Variants in PDE10A observed in about 807,000 individuals in gnomAD.
The protein encoded by PDE10A is phosphodiesterase 10A.
A neutral mutation model predicts 97.7 loss-of-function variants in PDE10A; 39 were observed. The observed-to-expected ratio is 0.40, with a 90% CI of 0.31 to 0.52. PDE10A has a LOEUF of 0.52. Among genes scored for constraint, PDE10A ranks in the 20% least tolerant of loss-of-function variants. The pLI is 0.56. For synonymous variants in PDE10A, 371 were observed against 376.8 expected (o/e 0.98, Z 0.18); for missense variants, 731 against 1,047.8 (o/e 0.70, Z 4.17).
chr6:165,910,592 A>G (rs1399066229), intron 1 of PDE10A, among the ~76,000 whole-genome samples: 1 of 152,242 alleles, frequency 6.6e-6, no homozygotes, highest in Non-Finnish European at 1.5e-5. Context: ...ATTTAGTTCT[A>G]CAAAAGGGAT....
At chr6:165,539,153 A>C (rs2128320107) in intron 2 of PDE10A, among the ~76,000 whole-genome samples, 1 of 152,294 alleles carries the variant, frequency 6.6e-6, no homozygotes, top group Middle Eastern at 3.4e-3. Context: ...TGCAATCTCT[A>C]ATTTCCATAT....
At chr6:165,579,269 T>G (rs1009263953) in intron 1 of PDE10A, among the ~76,000 whole-genome samples, 1 of 152,230 alleles carries the variant, frequency 6.6e-6, no homozygotes, top group Admixed American at 6.5e-5. Flanking sequence ...GATTTTAGAA[T>G]GCTCTTTACT....
intron 1 of PDE10A, among the ~76,000 whole-genome samples, chr6:165,561,953 T>A (rs1337347490): frequency 2.6e-5 from 4 of 152,212 alleles, no homozygotes; most frequent in African/African-American, 4.8e-5. Flanking sequence ...AAAGTTTTTT[T>A]AAATCATTAA....
At chr6:165,419,267 A>C (rs1252020754) in intron 10 of PDE10A, among the ~76,000 whole-genome samples, 3 of 152,346 alleles carry the variant, frequency 2.0e-5, no homozygotes, top group African/African-American at 7.2e-5. Flanking sequence ...ACCTCTAAGG[A>C]GATACATGGC....
At chr6:165,383,254 T>C (rs1419549507) in intron 17 of PDE10A, among the ~76,000 whole-genome samples, 2 of 152,180 alleles carry the variant, frequency 1.3e-5, no homozygotes, top group East Asian at 1.9e-4. Flanking sequence ...AAATGGGCTA[T>C]TAAAAAAGGC....
intron 1 of PDE10A, among the ~76,000 whole-genome samples, chr6:165,899,344 C>T (rs7382642): frequency 0.37 from 56,750 of 152,050 alleles, 11,369 homozygotes; most frequent in East Asian, 0.66. Flanking sequence ...CACACTTTGA[C>T]TAGAGTTGAC....
At chr6:165,714,291 C>G (rs990281242) in intron 1 of PDE10A, among the ~76,000 whole-genome samples, 1 of 152,194 alleles carries the variant, frequency 6.6e-6, no homozygotes, top group Non-Finnish European at 1.5e-5. Context: ...GGTGGCGTGC[C>G]GTAGCCACTC....
chr6:165,793,520 C>A (rs1047231107), intron 1 of PDE10A, among the ~76,000 whole-genome samples: 1 of 152,090 alleles, frequency 6.6e-6, no homozygotes, highest in Admixed American at 6.5e-5. Flanking sequence ...CCTGACAGTG[C>A]GCTCCCTGAA....
chr6:165,823,591 T>C (rs183934207), intron 1 of PDE10A, among the ~76,000 whole-genome samples: 1 of 133,516 alleles, frequency 7.5e-6, no homozygotes, highest in African/African-American at 2.6e-5. Flanking sequence ...TCAATATATA[T>C]AAATATGTAT....
chr6:165,390,171 C>A (rs1453427106), intron 16 of PDE10A, among the ~76,000 whole-genome samples: 2 of 152,088 alleles, frequency 1.3e-5, no homozygotes, highest in Admixed American at 6.6e-5. Context: ...CAAAAACAAA[C>A]AAACAAAAAA....
intron 1 of PDE10A, among the ~76,000 whole-genome samples, chr6:165,784,378 T>TAA (rs1778438373): frequency 6.6e-6 from 1 of 152,204 alleles, no homozygotes; most frequent in African/African-American, 2.4e-5. Context: ...CGTTTCTGAG[T>TAA]AACTTCCTGA....
chr6:165,689,649 C>G (rs1791217404), intron 1 of PDE10A, among the ~76,000 whole-genome samples: 1 of 152,226 alleles, frequency 6.6e-6, no homozygotes, highest in Non-Finnish European at 1.5e-5. Flanking sequence ...CACCAGTCCC[C>G]CTTCCTCTTC....
intron 2 of PDE10A, among the ~76,000 whole-genome samples, chr6:165,521,428 G>A (rs879158478): frequency 1.3e-4 from 20 of 152,296 alleles, no homozygotes; most frequent in South Asian, 4.1e-4. Context: ...AGGAAGGCAC[G>A]TCAAAAGCTG....
chr6:165,502,726 C>T (rs1460857284), intron 2 of PDE10A, among the ~76,000 whole-genome samples: 1 of 152,140 alleles, frequency 6.6e-6, no homozygotes, highest in African/African-American at 2.4e-5. Context: ...AAACATCATG[C>T]TAGGTGAGAG....
intron 1 of PDE10A, among the ~76,000 whole-genome samples, chr6:165,848,218 T>TATGTGGC (rs1780474312): frequency 6.6e-6 from 1 of 152,142 alleles, no homozygotes; most frequent in Admixed American, 6.5e-5. Flanking sequence ...GAGCGCCCCC[T>TATGTGGC]ATGTGGCGGG....
At chr6:165,770,057 A>C (rs986139832) in intron 1 of PDE10A, among the ~76,000 whole-genome samples, 1 of 152,176 alleles carries the variant, frequency 6.6e-6, no homozygotes, top group Non-Finnish European at 1.5e-5. Context: ...CTCTGCTCTA[A>C]GAAAAGTCCT....
chr6:165,738,662 T>C (rs1281904028), intron 1 of PDE10A, among the ~76,000 whole-genome samples: 1 of 151,762 alleles, frequency 6.6e-6, no homozygotes, highest in Non-Finnish European at 1.5e-5. Context: ...CTCCACATCC[T>C]GTCCAGCACC....
rs144701659 is a variant in PDE10A, at chr6:165,851,634, C to G, written c.-615+135895G>C. On this transcript the variant is annotated intron_variant, in intron 1 of 19. Transcript: ENST00000366882. ...GTGTTCAGGAAGGGGAAAGCTTCAT[C>G]ATGCAGGAAGTGAGATTTGAGTTAG... Among the ~76,000 whole-genome samples, 72 of 152,260 alleles carry G rather than the reference C, an allele frequency of 4.7e-4. No individual in the cohort carries two copies. The East Asian group carries it at 0.013, about 27-fold the overall frequency.
intron 2 of PDE10A, among the ~76,000 whole-genome samples, chr6:165,505,525 CAAAT>C (rs1187390820): frequency 6.6e-6 from 1 of 152,006 alleles, no homozygotes; most frequent in Non-Finnish European, 1.5e-5. Context: ...TTAAAAAGTT[CAAAT>C]AAATATGCAG....
Sources: gnomAD v4.1 joint callset for allele counts (sites outside exome capture counted in the v4.1 genomes callset) on GRCh38, gnomAD v4.1.1 for gene constraint, MANE v1.5 for transcripts, NCBI Gene and HGNC (gene_info 2026-07-23, HGNC 2026-07-21) for gene names.